The following DCC variants were observed in gnomAD, a reference collection of about 807,000 sequenced individuals.
DCC encodes the protein netrin receptor DCC.
In DCC, 58 loss-of-function variants were observed where a neutral mutation model predicts 172.5. The ratio of observed to expected loss-of-function variants is 0.34; its 90% CI spans 0.27 to 0.42. The LOEUF is 0.42. DCC is among the 10% of genes least tolerant of loss of function. DCC has a pLI of 1.00. For missense variants in DCC, 1,740 were observed against 1,791.0 expected (o/e 0.97, Z 0.51); for synonymous variants, 709 against 644.5 (o/e 1.10, Z -1.52).
chr18:53,143,747 G>A (rs189000446), intron 7 of DCC, among the ~76,000 whole-genome samples: 115 of 152,350 alleles, frequency 7.5e-4, no homozygotes, highest in African/African-American at 2.6e-3. Flanking sequence ...TTCAGGAAGC[G>A]TGGCATCAAG....
intron 5 of DCC, among the ~76,000 whole-genome samples, chr18:53,014,307 G>C (rs952386282): frequency 6.6e-6 from 1 of 151,956 alleles, no homozygotes; most frequent in Non-Finnish European, 1.5e-5. Flanking sequence ...TACATTTTAA[G>C]TTTTAGGGTA....
chr18:52,456,790 C>T (rs559872615), intron 1 of DCC, among the ~76,000 whole-genome samples: 1 of 152,186 alleles, frequency 6.6e-6, no homozygotes, highest in South Asian at 2.1e-4. Flanking sequence ...GTAGCTAAGC[C>T]ACTTCAGAAA....
chr18:53,526,120 A>G (rs556955041), intron 27 of DCC, among the ~76,000 whole-genome samples: 5 of 133,710 alleles, frequency 3.7e-5, no homozygotes, highest in African/African-American at 1.2e-4. Context: ...ATTAAAAATG[A>G]TAGTCTATCA....
chr18:53,425,179 A>T (rs1910841194), intron 21 of DCC, among the ~76,000 whole-genome samples: 1 of 150,992 alleles, frequency 6.6e-6, no homozygotes, highest in African/African-American at 2.4e-5. Context: ...AGTACTCTGC[A>T]TGGTTACAAG....
At chr18:52,970,707 C>T (rs1454407605) in intron 5 of DCC, among the ~76,000 whole-genome samples, 1 of 152,084 alleles carries the variant, frequency 6.6e-6, no homozygotes, top group East Asian at 1.9e-4. Flanking sequence ...AGGTACTTGC[C>T]ATTCATAAAA....
At chr18:53,180,030 A>G (rs185975918) in intron 9 of DCC, among the ~76,000 whole-genome samples, 120 of 152,352 alleles carry the variant, frequency 7.9e-4, no homozygotes, top group African/African-American at 2.8e-3. Flanking sequence ...GTAAAGAGGT[A>G]TATCAAAATC....
intron 15 of DCC, among the ~76,000 whole-genome samples, chr18:53,342,555 TA>T (rs1350033911): frequency 1.3e-5 from 2 of 151,378 alleles, no homozygotes; most frequent in East Asian, 3.9e-4. Flanking sequence ...TTGGCATTTT[TA>T]AAAGAGCATT....
intron 2 of DCC, among the ~76,000 whole-genome samples, chr18:52,859,451 C>A (rs1230824070): frequency 1.3e-5 from 2 of 152,118 alleles, no homozygotes; most frequent in Non-Finnish European, 2.9e-5. Context: ...AGCTCGTATA[C>A]AATCTTGAGG....
At chr18:52,912,282 A>G (rs530544898) in intron 3 of DCC, among the ~76,000 whole-genome samples, 1 of 151,962 alleles carries the variant, frequency 6.6e-6, no homozygotes, top group South Asian at 2.1e-4. Context: ...GACAAGCACA[A>G]TGCCTGTAAC....
intron 13 of DCC, among the ~76,000 whole-genome samples, chr18:53,313,967 C>T (rs1446357529): frequency 6.6e-6 from 1 of 152,304 alleles, no homozygotes; most frequent in African/African-American, 2.4e-5. Context: ...AGAAAGTAAC[C>T]TGGAAATCAC....
At chr18:53,422,973 T>G (rs966429984) in intron 21 of DCC, among the ~76,000 whole-genome samples, 15 of 152,152 alleles carry the variant, frequency 9.9e-5, no homozygotes, top group African/African-American at 3.6e-4. Flanking sequence ...GAAACAGTAG[T>G]AGCAGAAAAT....
chr18:53,119,622 G>A (rs1031011822), intron 7 of DCC, among the ~76,000 whole-genome samples: 1 of 151,870 alleles, frequency 6.6e-6, no homozygotes, highest in South Asian at 2.1e-4. Context: ...AAAGGTATGT[G>A]ATAAAGCTAT....
chr18:52,679,837 A>G (rs2035712909), intron 1 of DCC, among the ~76,000 whole-genome samples: 1 of 152,124 alleles, frequency 6.6e-6, no homozygotes, highest in South Asian at 2.1e-4. Context: ...GGTTATTAAA[A>G]TTTATCACAG....
At chr18:53,530,462 G>C in intron 28 of DCC, 102 bp from the exon 29 acceptor site, 1 of 778,104 alleles carries the variant, frequency 1.3e-6, no homozygotes, top group East Asian at 2.5e-5. Flanking sequence ...TCCTAGGTCA[G>C]ACTTGGGAAT....
intron 1 of DCC, among the ~76,000 whole-genome samples, chr18:52,351,222 T>C (rs1267351096): frequency 6.6e-6 from 1 of 152,118 alleles, no homozygotes; most frequent in African/African-American, 2.4e-5. Context: ...AATTCCAAGA[T>C]CAGTGTACCC....
intron 5 of DCC, among the ~76,000 whole-genome samples, chr18:53,021,177 C>G (rs2041876043): frequency 6.6e-6 from 1 of 152,188 alleles, no homozygotes; most frequent in South Asian, 2.1e-4. Context: ...ATGGCGAAGA[C>G]AGAGGTTGGC....
chr18:52,585,095 AC>A (rs2033641479), intron 1 of DCC, among the ~76,000 whole-genome samples: 1 of 152,216 alleles, frequency 6.6e-6, no homozygotes, highest in East Asian at 1.9e-4. Context: ...GAAGGTGTTC[AC>A]TTTATTCTCG....
At chr18:53,217,554 A>G (rs910022103) in intron 12 of DCC, among the ~76,000 whole-genome samples, 12 of 152,110 alleles carry the variant, frequency 7.9e-5, no homozygotes, top group Admixed American at 2.0e-4. Context: ...CATAGCTTCT[A>G]AGAAATTATG....
At chr18:52,678,776 A>G (rs995112150) in intron 1 of DCC, among the ~76,000 whole-genome samples, 2 of 152,108 alleles carry the variant, frequency 1.3e-5, no homozygotes, top group Non-Finnish European at 2.9e-5. Context: ...GGTTCTGGGC[A>G]CTGCCTTCAT....
Sources: gnomAD v4.1 joint callset for allele counts (sites outside exome capture counted in the v4.1 genomes callset) on GRCh38, gnomAD v4.1.1 for gene constraint, MANE v1.5 for transcripts, NCBI Gene and HGNC (gene_info 2026-07-23, HGNC 2026-07-21) for gene names.